CAST: variants seen among roughly 807,000 people sequenced by gnomAD.
The protein encoded by CAST is calpastatin, also known as MIR583 host.
CAST carries 76 observed loss-of-function variants against 119.6 expected under a neutral mutation model. The observed-to-expected ratio is 0.64, with a 90% CI of 0.53 to 0.77. The LOEUF is 0.77. CAST is among the 30% of genes least tolerant of loss of function. The pLI is 0.00. For missense variants in CAST, 953 were observed against 946.5 expected (o/e 1.01, Z -0.09); for synonymous variants, 319 against 331.6 (o/e 0.96, Z 0.41).
Position 96,706,349 on chromosome 5 carries a change from C to T in CAST, c.210+10442C>T, listed in dbSNP as rs185294150. On this transcript the variant is annotated intron_variant, in intron 3 of 31. Transcript: ENST00000675179. ...CCTGGAGTTTCTGCAATTGGCCAGA[C>T]GTGATGCTAGGCATACAGAGGTATG... is the stretch of plus-strand genomic sequence containing the variant. Among the ~76,000 whole-genome samples the T allele has an allele frequency of 9.3e-4, 142 of 152,180 alleles. 1 individual carries two copies. The highest frequency in any genetic ancestry group is 2.8e-3 in the African/African-American group (118 of 41,508).
At chr5:96,601,747 A>G (rs534219836) in intron 1 of CAST, among the ~76,000 whole-genome samples, 1 of 152,198 alleles carries the variant, frequency 6.6e-6, no homozygotes, top group Non-Finnish European at 1.5e-5. Flanking sequence ...CTTACCCTCT[A>G]TAGACCAAAA....
intron 1 of CAST, among the ~76,000 whole-genome samples, chr5:96,600,940 G>T (rs1747138363): frequency 6.6e-6 from 1 of 152,100 alleles, no homozygotes; most frequent in Non-Finnish European, 1.5e-5. Context: ...CTCTGCCCCT[G>T]CTCCTCCTTC....
the CAST span, among the ~76,000 whole-genome samples, chr5:96,167,876 TG>T: frequency 6.6e-6 from 1 of 152,078 alleles, no homozygotes; most frequent in South Asian, 2.1e-4. Context: ...CCGAGCTTCA[TG>T]TGTAGGGAAG....
At chr5:96,694,759 CTTTTCCT>C (rs1208104930) in intron 2 of CAST, among the ~76,000 whole-genome samples, 2 of 152,150 alleles carry the variant, frequency 1.3e-5, no homozygotes, top group East Asian at 3.8e-4. Context: ...GTGTATTTTA[CTTTTCCT>C]TTTTCCCCCA....
At chr5:96,661,419 GAAAAA>G (rs34922511), upstream of CAST, among the ~76,000 whole-genome samples, 23,379 of 88,068 alleles carry the variant, frequency 0.27, 2,612 homozygotes, top group Middle Eastern at 0.38. Context: ...TGCCTCTCCA[GAAAAA>G]AAAAAAAAAA....
At chr5:96,053,935 A>T in the CAST span, among the ~76,000 whole-genome samples, 1 of 152,188 alleles carries the variant, frequency 6.6e-6, no homozygotes, top group African/African-American at 2.4e-5. Context: ...TAGAAAAACT[A>T]AATAGTTATT....
At chr5:96,330,025 T>A in the CAST span, among the ~76,000 whole-genome samples, 1 of 152,210 alleles carries the variant, frequency 6.6e-6, no homozygotes, top group Non-Finnish European at 1.5e-5. Context: ...GATTTCACAG[T>A]GAATTACCCA....
chr5:96,534,726 A>AAG (rs1561408784), intron 1 of CAST, among the ~76,000 whole-genome samples: 632 of 11,108 alleles, frequency 0.057, 41 homozygotes, highest in Middle Eastern at 0.11. Flanking sequence ...AGAGAGAGAG[A>AAG]GAGAGAGAGA....
chr5:95,972,955 A>G, the CAST span: 1 of 152,228 alleles, frequency 6.6e-6, no homozygotes, highest in South Asian at 2.1e-4. Context: ...AATTAATTGC[A>G]CATAAGATAC....
the CAST span, among the ~76,000 whole-genome samples, chr5:96,299,620 A>G: frequency 6.6e-6 from 1 of 152,190 alleles, no homozygotes; most frequent in Non-Finnish European, 1.5e-5. Context: ...AAGCACTACT[A>G]CTAGAAGCTC....
the CAST span, among the ~76,000 whole-genome samples, chr5:96,396,900 A>G: frequency 5.9e-5 from 9 of 152,254 alleles, no homozygotes; most frequent in Non-Finnish European, 1.3e-4. Context: ...CTCTCCAAAC[A>G]TTAAGCTACA....
chr5:96,413,835 A>G, the CAST span, among the ~76,000 whole-genome samples: 1 of 137,574 alleles, frequency 7.3e-6, no homozygotes, highest in African/African-American at 2.8e-5. Flanking sequence ...TAGAAAAAAA[A>G]TCGGCCAGGT....
chr5:95,976,446 G>C, the CAST span, among the ~76,000 whole-genome samples: 1 of 151,988 alleles, frequency 6.6e-6, no homozygotes, highest in Admixed American at 6.6e-5. Context: ...GGTTATTCCT[G>C]ATTCATTTGA....
chr5:96,424,362 GAGA>G, the CAST span, among the ~76,000 whole-genome samples: 4 of 152,186 alleles, frequency 2.6e-5, no homozygotes, highest in South Asian at 8.3e-4. Context: ...GCCAAAGTCA[GAGA>G]AGAAGGCCTC....
chr5:96,752,838 T>C (rs1765414838), intron 20 of CAST, among the ~76,000 whole-genome samples: 2 of 151,918 alleles, frequency 1.3e-5, no homozygotes, highest in Admixed American at 1.3e-4. Flanking sequence ...CCAAGGCCTT[T>C]TACATTTTTG....
At chr5:96,546,016 T>G (rs576373605) in intron 1 of CAST, among the ~76,000 whole-genome samples, 19 of 152,306 alleles carry the variant, frequency 1.2e-4, no homozygotes, top group African/African-American at 4.6e-4. Context: ...ATACATTAGT[T>G]TTTTGTTTCT....
chr5:96,154,603 C>T, the CAST span, among the ~76,000 whole-genome samples: 1 of 152,176 alleles, frequency 6.6e-6, no homozygotes, highest in Non-Finnish European at 1.5e-5. Flanking sequence ...GGGATCCATC[C>T]AGGATACCCC....
At chr5:96,002,019 C>G in the CAST span, among the ~76,000 whole-genome samples, 2 of 152,152 alleles carry the variant, frequency 1.3e-5, no homozygotes, top group African/African-American at 4.8e-5. Flanking sequence ...AATAGGCAGT[C>G]TAGGGCTGCT....
the CAST span, among the ~76,000 whole-genome samples, chr5:96,274,824 A>G: frequency 6.6e-6 from 1 of 152,210 alleles, no homozygotes; most frequent in Non-Finnish European, 1.5e-5. Flanking sequence ...TCTGTCGTGG[A>G]AATGCCTGGC....
Sources: allele counts gnomAD v4.1 joint callset (sites outside exome capture counted in the v4.1 genomes callset), GRCh38; gene constraint gnomAD v4.1.1; transcripts MANE v1.5; gene names NCBI Gene and HGNC (gene_info 2026-07-23, HGNC 2026-07-21).